EIF4G2: variants seen among roughly 807,000 people sequenced by gnomAD.
EIF4G2 encodes eukaryotic translation initiation factor 4 gamma 2, also known as DAP-5.
A neutral mutation model predicts 117.7 loss-of-function variants in EIF4G2; 8 were observed. The ratio of observed to expected loss-of-function variants is 0.07; its 90% CI spans 0.04 to 0.12. The LOEUF (loss-of-function observed/expected upper bound fraction) is 0.12. Among genes scored for constraint, EIF4G2 ranks in the 10% least tolerant of loss-of-function variants. The pLI is 1.00. For missense variants in EIF4G2, 812 were observed against 1,086.2 expected, an observed-to-expected ratio of 0.75 and a Z score of 3.55; for synonymous variants, 413 against 367.8, an observed-to-expected ratio of 1.12 and a Z score of -1.41.
In EIF4G2 at chr11:10,801,785, A is replaced by C; in HGVS notation, c.1300-11T>G. On this transcript the variant is annotated splice_polypyrimidine_tract_variant and intron_variant, in intron 13 of 21. Transcript: ENST00000339995. Reference sequence around the variant, plus strand: ...GAGCTGGCTTAGCCCCTATTTCAGAAAAGGAGAAAGAAAGTCTAGATAAAA... The same window carrying C: ...GAGCTGGCTTAGCCCCTATTTCAGACAAGGAGAAAGAAAGTCTAGATAAAA... 1 of 1,611,046 alleles carries C rather than the reference A, an allele frequency of 6.2e-7. No homozygotes were observed. Among genetic ancestry groups the C allele is most frequent in the Non-Finnish European group, 8.5e-7 (1 of 1,178,668 alleles).
rs1847491328 is a variant in EIF4G2, at chr11:10,803,837, A to C, written c.702+62T>G. The C allele has an allele frequency of 1.3e-6, 2 of 1,553,470 alleles. No homozygotes were observed. Among genetic ancestry groups the C allele is most frequent in the Non-Finnish European group, 1.7e-6 (2 of 1,144,560 alleles). ...ACTAGTCAACCTCCCTCTTAGATGA[A>C]TAATTGACTCATTTCCTCCAAACGA... On this transcript the variant is annotated intron_variant, in intron 8 of 21. Coordinates refer to ENST00000339995, the MANE Select transcript of EIF4G2 (RefSeq NM_001418.4). The surrounding 1 kb of genome is among the most constrained non-coding windows in gnomAD (Gnocchi z 4.0).
intron 14 of EIF4G2, chr11:10,801,312 G>A (rs959245175): frequency 1.6e-6 from 1 of 638,916 alleles, no homozygotes; most frequent in Non-Finnish European, 2.7e-6. Flanking sequence ...CATTCTCTTA[G>A]AATTAGCATG....
intron 3 of EIF4G2, chr11:10,806,482 C>T: frequency 6.1e-6 from 2 of 328,584 alleles, no homozygotes; most frequent in South Asian, 8.6e-5. Context: ...TACCGGCTGC[C>T]AATAAACACT....
Position 10,806,028 on chromosome 11 carries a change from G to T in EIF4G2, c.127C>A (p.Pro43Thr). 1 of 1,614,158 alleles carries T rather than the reference G, an allele frequency of 6.2e-7. No individual in the cohort carries two copies. The highest frequency in any genetic ancestry group is 8.5e-7 in the Non-Finnish European group (1 of 1,180,032). Residue 43 changes from proline to threonine, a missense_variant, in exon 4 of 22, where the codon CCA (proline) becomes ACA (threonine). By Grantham distance (38) the Pro-to-Thr change is conservative. Coordinates refer to ENST00000339995, the MANE Select transcript of EIF4G2 (RefSeq NM_001418.4). ...ATCCATTTCTGAGCGTTTTGCCCTG[G>T]GGTTTTCCCCAGGAACTCGCTGATT...
In EIF4G2 at chr11:10,800,950, T is replaced by C; in HGVS notation, c.1539+12A>G. 1 of 1,614,074 alleles carries C rather than the reference T, an allele frequency of 6.2e-7. No homozygotes were observed. The highest frequency in any genetic ancestry group is 1.1e-5 in the South Asian group (1 of 91,046). ...ATATCTTTAGAAAATGCTGTCCTACTATGGTCTGTACCTGTCCCAGAGGTG... is the reference window on the plus strand; with the variant it reads ...ATATCTTTAGAAAATGCTGTCCTACCATGGTCTGTACCTGTCCCAGAGGTG... On this transcript the variant is annotated intron_variant, in intron 15 of 21. Transcript: ENST00000339995.
chr11:10,807,240 TA>T lies in EIF4G2; in HGVS notation c.41+14del. ...GCCTTTTCAAAAGGATTCCCCAAAA[TA>T]AATCTACAAGTACCTGAAACGAGAA... On this transcript the variant is annotated intron_variant, in intron 2 of 21. Transcript: ENST00000339995. 6.2e-7 allele frequency: 1 copy of T among 1,603,920 alleles called. No individual in the cohort carries two copies. The highest frequency in any genetic ancestry group is 8.5e-7 in the Non-Finnish European group (1 of 1,176,910).
Position 10,806,096 on chromosome 11 carries a change from T to TA in EIF4G2, c.108-50dup, listed in dbSNP as rs1326902453. The TA allele has an allele frequency of 2.5e-6, 4 of 1,608,898 alleles. No homozygotes were observed. The African/African-American group carries it at 5.4e-5, about 22-fold the overall frequency. ...ACACTTATTGTCACACACCAAATGT[T>TA]AAACATCATAAATTCTCTTACATAG... On this transcript the variant is annotated intron_variant, in intron 3 of 21. Coordinates refer to ENST00000339995, the MANE Select transcript of EIF4G2 (RefSeq NM_001418.4).
chr11:10,799,867 CAGAAT>C, intron 18 of EIF4G2, 111 bp from the exon 19 acceptor site: 1 of 1,335,360 alleles, frequency 7.5e-7, no homozygotes, highest in East Asian at 2.4e-5. Flanking sequence ...ATCCATGTAG[CAGAAT>C]AGAGAACCAA....
Position 10,803,430 on chromosome 11 carries a change from T to A in EIF4G2, c.813+50A>T. The A allele has an allele frequency of 6.3e-7, 1 of 1,584,440 alleles. No individual in the cohort carries two copies. Among genetic ancestry groups the A allele is most frequent in the Non-Finnish European group, 8.7e-7 (1 of 1,154,676 alleles). ...TTATGATGTCACAAAAATCAATAGC[T>A]TGATTTAAAGACAAACTACTTGTAC... On this transcript the variant is annotated intron_variant, in intron 9 of 21. Transcript: ENST00000339995. The surrounding 1 kb of genome is among the most constrained non-coding windows in gnomAD (Gnocchi z 4.0).
intron 3 of EIF4G2, 151 bp from the exon 4 acceptor site, chr11:10,806,198 T>C (rs1211215273): frequency 2.6e-5 from 27 of 1,037,014 alleles, no homozygotes; most frequent in East Asian, 1.0e-4. Flanking sequence ...GGAACAGTAG[T>C]GTGCATCAGA....
At position 10,802,175 on chromosome 11, in the gene EIF4G2, C is replaced by G; in HGVS notation, c.1173G>C (p.Gln391His). The change falls in exon 13 of 22, where the codon CAG (glutamine) becomes CAC (histidine). Residue 391 changes from glutamine to histidine, a missense_variant. This residue lies in a region of EIF4G2 where 571 missense variants were observed against 642.3 expected (regional missense o/e 0.89). Coordinates refer to ENST00000339995, the MANE Select transcript of EIF4G2 (RefSeq NM_001418.4). ...GTCCCATGGTGGGTGAAAATCTATCCTGGATAACTCCTGGACCAGTACCAA... is the reference window on the plus strand; with the variant it reads ...GTCCCATGGTGGGTGAAAATCTATCGTGGATAACTCCTGGACCAGTACCAA... The G allele has an allele frequency of 6.2e-7, 1 of 1,614,184 alleles. No homozygotes were observed. The highest frequency in any genetic ancestry group is 8.5e-7 in the Non-Finnish European group (1 of 1,180,042).
intron 11 of EIF4G2, 134 bp from the exon 12 acceptor site, chr11:10,802,569 C>A: frequency 8.0e-7 from 1 of 1,243,982 alleles, no homozygotes. Flanking sequence ...TAACTTCTTC[C>A]AAAAATGGCA....
intron 1 of EIF4G2, chr11:10,808,201 A>G: frequency 5.3e-6 from 6 of 1,124,970 alleles, no homozygotes; most frequent in South Asian, 3.5e-5. Flanking sequence ...CTCTGCTGAC[A>G]AAAGGGGCAG....
At chr11:10,806,178 T>G in intron 3 of EIF4G2, 131 bp from the exon 4 acceptor site, 6 of 1,252,680 alleles carry the variant, frequency 4.8e-6, no homozygotes, top group Non-Finnish European at 6.6e-6. Flanking sequence ...CTCTGGAAAT[T>G]AGTGCTTCTG....
chr11:10,802,573 A>C, intron 11 of EIF4G2, 138 bp from the exon 12 acceptor site: 2 of 1,215,064 alleles, frequency 1.6e-6, no homozygotes, highest in Non-Finnish European at 2.2e-6. Flanking sequence ...TTCTTCCAAA[A>C]ATGGCAGACA....
chr11:10,801,475 A>T (rs766586023), intron 14 of EIF4G2, 186 bp downstream of exon 14: 49 of 754,008 alleles, frequency 6.5e-5, no homozygotes, highest in Non-Finnish European at 1.1e-4. Flanking sequence ...ACTTGCCCTC[A>T]TATCTCATAA....
In EIF4G2 at chr11:10,805,887, A is replaced by C; in HGVS notation, c.248+20T>G. ...AATCCACACTTCCCATCTTTTAGTAAAACAGACCTTGAAACTTACCCTCTT... is the reference window on the plus strand; with the variant it reads ...AATCCACACTTCCCATCTTTTAGTACAACAGACCTTGAAACTTACCCTCTT... On this transcript the variant is annotated intron_variant, in intron 4 of 21. Transcript: ENST00000339995. 1 of 1,614,200 alleles carries C rather than the reference A, an allele frequency of 6.2e-7. No individual in the cohort carries two copies.
In EIF4G2 at chr11:10,808,268, C is replaced by T. The variant is rs550451497; in HGVS notation, c.-87+437G>A. ...AGGGCAGCCCCTGCCGACTCCAGGT[C>T]CTACACACCTCCCCGCCGGGAGGCC... On this transcript the variant is annotated intron_variant, in intron 1 of 21. Transcript: ENST00000339995. 33 of 1,213,220 alleles carry T rather than the reference C, an allele frequency of 2.7e-5. 1 individual carries two copies. The highest frequency in any genetic ancestry group is 3.6e-4 in the Middle Eastern group (1 of 2,800). 75.2% of individuals were successfully genotyped at this position (1,213,220 alleles called of 1,614,324 possible).
In EIF4G2 at chr11:10,801,033, G is replaced by A; in HGVS notation, c.1468C>T (p.Leu490Phe). ...GGAATCATAGTTATCTGGGGCTGAAGCTTTGGCACTTGATTTTTATTCATT... is the reference window on the plus strand; with the variant it reads ...GGAATCATAGTTATCTGGGGCTGAAACTTTGGCACTTGATTTTTATTCATT... Residue 490 changes from leucine (L) to phenylalanine (F), a missense_variant, in exon 15 of 22, where the codon CTT (leucine) becomes TTT (phenylalanine). Leu to Phe is a conservative substitution (Grantham distance 22, BLOSUM62 0). Coordinates refer to ENST00000339995, the MANE Select transcript of EIF4G2 (RefSeq NM_001418.4). The A allele has an allele frequency of 1.2e-5, 20 of 1,614,184 alleles. No individual in the cohort carries two copies. The highest frequency in any genetic ancestry group is 1.7e-5 in the Non-Finnish European group (20 of 1,180,004).
Sources: gnomAD v4.1 joint callset for allele counts on GRCh38, gnomAD v4.1.1 for gene constraint, gnomAD v4.1.1 regional missense constraint, Gnocchi (gnomAD v3.1) non-coding constraint, MANE v1.5 for transcripts, NCBI Gene and HGNC (gene_info 2026-07-23, HGNC 2026-07-21) for gene names.